The following NCAM2 variants were observed in gnomAD, a reference collection of about 807,000 sequenced individuals.
NCAM2 encodes the protein neural cell adhesion molecule 2, also known as N-CAM-2.
A neutral mutation model predicts 98.1 loss-of-function variants in NCAM2; 30 were observed. That is an observed-to-expected ratio of 0.31 (90% CI 0.23 to 0.41). NCAM2 has a LOEUF of 0.41. Among genes scored for constraint, NCAM2 ranks in the 10% least tolerant of loss-of-function variants. The pLI is 1.00. For synonymous variants in NCAM2, 368 were observed against 342.4 expected (o/e 1.07, Z -0.83); for missense variants, 867 against 1,005.8 (o/e 0.86, Z 1.87).
At chr21:21,329,262 C>G (rs1229710907) in intron 6 of NCAM2, among the ~76,000 whole-genome samples, 1 of 152,018 alleles carries the variant, frequency 6.6e-6, no homozygotes, top group African/African-American at 2.4e-5. Context: ...CACTTTTATA[C>G]CATATTTTTT....
chr21:21,263,923 G>A (rs978134436), intron 1 of NCAM2, among the ~76,000 whole-genome samples: 3 of 151,850 alleles, frequency 2.0e-5, no homozygotes, highest in Non-Finnish European at 4.4e-5. Flanking sequence ...ATGTCCTTTG[G>A]GACATTAGCC....
intron 5 of NCAM2, among the ~76,000 whole-genome samples, chr21:21,310,708 T>C (rs2074021501): frequency 6.6e-6 from 1 of 152,174 alleles, no homozygotes; most frequent in Non-Finnish European, 1.5e-5. Flanking sequence ...AAATTCACTT[T>C]TTTAATTGTA....
chr21:21,344,064 G>T (rs1040749059), intron 8 of NCAM2, among the ~76,000 whole-genome samples: 5 of 152,128 alleles, frequency 3.3e-5, no homozygotes, highest in South Asian at 2.1e-4. Flanking sequence ...GCAAGATAGG[G>T]CAACTGTTAG....
chr21:21,013,185 G>A (rs2064241422), intron 1 of NCAM2, among the ~76,000 whole-genome samples: 1 of 152,106 alleles, frequency 6.6e-6, no homozygotes, highest in Admixed American at 6.5e-5. Flanking sequence ...AGCCAAAATA[G>A]GCCAAAAGCT....
intron 6 of NCAM2, among the ~76,000 whole-genome samples, chr21:21,325,317 G>T (rs1714416555): frequency 6.6e-6 from 1 of 152,108 alleles, no homozygotes; most frequent in Admixed American, 6.6e-5. Context: ...TAAGTATTAG[G>T]TTGTTGTTTT....
chr21:21,152,915 A>G (rs2067489784), intron 1 of NCAM2, among the ~76,000 whole-genome samples: 1 of 151,966 alleles, frequency 6.6e-6, no homozygotes, highest in Non-Finnish European at 1.5e-5. Context: ...TAACTCCTGT[A>G]AAGTTGCGTA....
chr21:21,298,087 G>A (rs2073558305), intron 5 of NCAM2, among the ~76,000 whole-genome samples: 1 of 151,662 alleles, frequency 6.6e-6, no homozygotes, highest in Non-Finnish European at 1.5e-5. Flanking sequence ...GTAACCCCCA[G>A]GCAGTAATTT....
At chr21:21,044,574 T>A (rs1461317196) in intron 1 of NCAM2, among the ~76,000 whole-genome samples, 14 of 152,168 alleles carry the variant, frequency 9.2e-5, no homozygotes, top group Non-Finnish European at 2.9e-5. Flanking sequence ...GATTTTTAGA[T>A]ATATTAAAAC....
At position 21,298,619 on chromosome 21, in the gene NCAM2, AT is replaced by A. The variant is rs1404339531; in HGVS notation, c.619+6379del. ...GATAGATAGATAGATAGATAGATAG[AT>A]AGATAGATAGATGATAGATAGAGAT... On this transcript the variant is annotated intron_variant, in intron 5 of 17. Coordinates refer to ENST00000400546, the MANE Select transcript of NCAM2 (RefSeq NM_004540.5). 4.9e-3 allele frequency among the ~76,000 whole-genome samples: 738 copies of A among 151,604 alleles called. 4 individuals are homozygous for A. Among genetic ancestry groups the A allele is most frequent in the Admixed American group, 7.1e-3 (107 of 15,130 alleles).
chr21:21,144,928 C>A (rs1387136122), intron 1 of NCAM2, among the ~76,000 whole-genome samples: 1 of 151,732 alleles, frequency 6.6e-6, no homozygotes, highest in East Asian at 1.9e-4. Flanking sequence ...CAGGGGTCGC[C>A]GTGTTGTGAA....
intron 1 of NCAM2, among the ~76,000 whole-genome samples, chr21:21,052,488 GAC>G (rs1348711908): frequency 6.6e-6 from 1 of 151,814 alleles, no homozygotes; most frequent in Non-Finnish European, 1.5e-5. Context: ...TTTCAGGTGT[GAC>G]TTCTATATGT....
chr21:21,164,199 C>T (rs1469350897), intron 1 of NCAM2, among the ~76,000 whole-genome samples: 1 of 152,166 alleles, frequency 6.6e-6, no homozygotes, highest in Non-Finnish European at 1.5e-5. Context: ...CTGTAACTTA[C>T]AGAATTGAAA....
At chr21:21,511,417 ACATAATTTT>A (rs1569130041) in intron 16 of NCAM2, among the ~76,000 whole-genome samples, 1 of 151,936 alleles carries the variant, frequency 6.6e-6, no homozygotes, top group African/African-American at 2.4e-5. Context: ...ATTTCACTTA[ACATAATTTT>A]CTCCAGTTCC....
intron 8 of NCAM2, among the ~76,000 whole-genome samples, chr21:21,338,797 C>T (rs969067497): frequency 6.6e-6 from 1 of 152,066 alleles, no homozygotes; most frequent in Non-Finnish European, 1.5e-5. Context: ...CTTAACTAGA[C>T]TTTTGTTATA....
intron 1 of NCAM2, among the ~76,000 whole-genome samples, chr21:21,247,549 C>T (rs759632134): frequency 6.6e-6 from 1 of 151,922 alleles, no homozygotes; most frequent in Non-Finnish European, 1.5e-5. Context: ...ATATAGCTAC[C>T]CTATAATTTA....
At chr21:21,117,962 AT>A (rs559497716) in intron 1 of NCAM2, among the ~76,000 whole-genome samples, 84 of 152,356 alleles carry the variant, frequency 5.5e-4, no homozygotes, top group African/African-American at 1.8e-3. Context: ...CCTGATATTT[AT>A]GACTTTTAAA....
chr21:21,154,006 A>G (rs1158561269), intron 1 of NCAM2, among the ~76,000 whole-genome samples: 1 of 151,832 alleles, frequency 6.6e-6, no homozygotes, highest in Non-Finnish European at 1.5e-5. Context: ...GATAGAGAAT[A>G]TGTGATAAGT....
intron 16 of NCAM2, 112 bp downstream of exon 16, chr21:21,509,167 T>G (rs755410166): frequency 2.9e-5 from 28 of 960,508 alleles, no homozygotes; most frequent in Non-Finnish European, 4.3e-5. Flanking sequence ...AGTTTGATTA[T>G]GCAACATTGG....
intron 10 of NCAM2, among the ~76,000 whole-genome samples, chr21:21,418,131 A>G (rs1232215692): frequency 6.6e-6 from 1 of 152,008 alleles, no homozygotes; most frequent in Non-Finnish European, 1.5e-5. Context: ...ATATACACAT[A>G]TATATTTCAA....
Sources: allele counts gnomAD v4.1 joint callset (sites outside exome capture counted in the v4.1 genomes callset), GRCh38; gene constraint gnomAD v4.1.1; transcripts MANE v1.5; gene names NCBI Gene and HGNC (gene_info 2026-07-23, HGNC 2026-07-21).